The following RBFOX1 variants were observed in gnomAD, a reference collection of about 807,000 sequenced individuals.
RBFOX1 encodes RNA binding fox-1 homolog 1, also known as RNA binding protein fox-1 homolog 1.
A neutral mutation model predicts 57.7 loss-of-function variants in RBFOX1; 8 were observed. The observed-to-expected ratio is 0.14, with a 90% CI of 0.08 to 0.25. The LOEUF (loss-of-function observed/expected upper bound fraction) is 0.25, where lower values mean the gene tolerates loss of function less well. Ranked by LOEUF, RBFOX1 falls within the 10% of genes least tolerant of loss-of-function variation. The pLI, the probability that RBFOX1 is intolerant of heterozygous loss-of-function variation, is 1.00. For synonymous variants in RBFOX1, 326 were observed against 222.4 expected, an observed-to-expected ratio of 1.47 and a Z score of -4.15; for missense variants, 611 against 548.5, an observed-to-expected ratio of 1.11 and a Z score of -1.14.
At chr16:5,723,241 A>G (rs17512046) in intron 3 of RBFOX1, among the ~76,000 whole-genome samples, 67,056 of 152,092 alleles carry the variant, frequency 0.44, 18,463 homozygotes, top group East Asian at 0.8. Context: ...ACATGAGCAC[A>G]GTGACTGCTC....
chr16:5,334,244 T>C (rs1292259298), intron 1 of RBFOX1, among the ~76,000 whole-genome samples: 2 of 152,200 alleles, frequency 1.3e-5, no homozygotes, highest in East Asian at 1.9e-4. Context: ...AGGGCTGGTA[T>C]GTCTCTGCTC....
chr16:5,661,910 C>T (rs1040477337), intron 3 of RBFOX1, among the ~76,000 whole-genome samples: 3 of 151,966 alleles, frequency 2.0e-5, no homozygotes, highest in Non-Finnish European at 2.9e-5. Flanking sequence ...TGCAGCTGCC[C>T]GAGTCGCTGG....
chr16:6,033,667 A>T (rs1002597655), intron 1 of RBFOX1, among the ~76,000 whole-genome samples: 3 of 152,196 alleles, frequency 2.0e-5, no homozygotes, highest in Non-Finnish European at 2.9e-5. Flanking sequence ...TCCATTGCAC[A>T]TGCTTACATT....
At chr16:5,618,621 G>C (rs903628004) in intron 3 of RBFOX1, among the ~76,000 whole-genome samples, 2 of 152,224 alleles carry the variant, frequency 1.3e-5, no homozygotes, top group Non-Finnish European at 2.9e-5. Flanking sequence ...ACAGGCGTGA[G>C]CCATCGCGCC....
chr16:6,134,634 C>T (rs774686920), intron 1 of RBFOX1, among the ~76,000 whole-genome samples: 3 of 151,826 alleles, frequency 2.0e-5, no homozygotes, highest in Non-Finnish European at 4.4e-5. Context: ...TAACCGTGAA[C>T]TGTCAGTGCC....
chr16:6,932,626 C>T (rs1346091512), intron 3 of RBFOX1, among the ~76,000 whole-genome samples: 1 of 152,194 alleles, frequency 6.6e-6, no homozygotes, highest in Non-Finnish European at 1.5e-5. Flanking sequence ...GCTGCCCAAA[C>T]ATCTAGCCCC....
At chr16:5,762,138 A>G (rs2053615649) in intron 3 of RBFOX1, among the ~76,000 whole-genome samples, 1 of 152,186 alleles carries the variant, frequency 6.6e-6, no homozygotes. Context: ...GCAAATAACA[A>G]GCACTCAGTA....
At chr16:7,272,838 C>G (rs916732469) in intron 4 of RBFOX1, among the ~76,000 whole-genome samples, 2 of 149,296 alleles carry the variant, frequency 1.3e-5, no homozygotes, top group Non-Finnish European at 3.0e-5. Context: ...CCTCCCTCCC[C>G]TCCCTCCCTT....
At chr16:6,796,042 C>G (rs1380528629) in intron 3 of RBFOX1, among the ~76,000 whole-genome samples, 1 of 150,448 alleles carries the variant, frequency 6.6e-6, no homozygotes, top group Middle Eastern at 3.2e-3. Context: ...CAAAGACATA[C>G]CTGAGATTGG....
At chr16:5,850,576 C>A (rs1331953347) in intron 3 of RBFOX1, among the ~76,000 whole-genome samples, 1 of 152,190 alleles carries the variant, frequency 6.6e-6, no homozygotes, top group African/African-American at 2.4e-5. Flanking sequence ...TGACAGCAGA[C>A]ACCTCTGCAT....
At chr16:6,903,391 G>A (rs1219143453) in intron 3 of RBFOX1, among the ~76,000 whole-genome samples, 2 of 152,170 alleles carry the variant, frequency 1.3e-5, no homozygotes, top group Non-Finnish European at 2.9e-5. Context: ...CTAACATAGA[G>A]GCCAGTTCTG....
chr16:5,340,029 C>T (rs2065000230), intron 1 of RBFOX1, among the ~76,000 whole-genome samples: 1 of 152,174 alleles, frequency 6.6e-6, no homozygotes, highest in African/African-American at 2.4e-5. Flanking sequence ...CAGTGAGCAG[C>T]ACCAGCAAAA....
At chr16:7,667,558 T>C (rs1399817387) in intron 13 of RBFOX1, among the ~76,000 whole-genome samples, 1 of 152,174 alleles carries the variant, frequency 6.6e-6, no homozygotes, top group African/African-American at 2.4e-5. Flanking sequence ...TAAAGAAAGA[T>C]TTTGGCTTAC....
intron 3 of RBFOX1, among the ~76,000 whole-genome samples, chr16:6,740,950 C>A (rs1276023775): frequency 6.6e-6 from 1 of 152,088 alleles, no homozygotes. Context: ...TGGGACAAAC[C>A]AGTCTACCTA....
intron 5 of RBFOX1, among the ~76,000 whole-genome samples, chr16:7,526,967 T>C (rs1363434466): frequency 2.0e-5 from 3 of 152,290 alleles, no homozygotes; most frequent in East Asian, 1.9e-4. Context: ...TCTAAATAGG[T>C]TGCTGTTGCA....
intron 4 of RBFOX1, among the ~76,000 whole-genome samples, chr16:7,109,804 T>C (rs759008974): frequency 3.3e-5 from 5 of 152,108 alleles, no homozygotes; most frequent in Admixed American, 6.6e-5. Flanking sequence ...CAAACCTGAA[T>C]TGACACCTTC....
chr16:6,483,106 G>C, intron 2 of RBFOX1: 1 of 1,015,814 alleles, frequency 9.8e-7, no homozygotes, highest in Non-Finnish European at 1.2e-6. Flanking sequence ...CGGGACCCAC[G>C]CAGCCCCAGT....
intron 1 of RBFOX1, among the ~76,000 whole-genome samples, chr16:5,398,615 C>T (rs970684581): frequency 1.3e-5 from 2 of 151,998 alleles, no homozygotes; most frequent in Middle Eastern, 3.4e-3. Context: ...AATAGAATAA[C>T]AGCTGTGCAA....
intron 3 of RBFOX1, among the ~76,000 whole-genome samples, chr16:6,872,221 C>A (rs567231461): frequency 6.6e-6 from 1 of 152,164 alleles, no homozygotes; most frequent in Admixed American, 6.5e-5. Flanking sequence ...TGGAGACCAG[C>A]ACATAGTAGA....
Sources: gnomAD v4.1 joint callset for allele counts (sites outside exome capture counted in the v4.1 genomes callset) on GRCh38, gnomAD v4.1.1 for gene constraint, MANE v1.5 for transcripts, NCBI Gene and HGNC (gene_info 2026-07-23, HGNC 2026-07-21) for gene names.